The following MCOLN2 variants were observed in gnomAD, a reference collection of about 807,000 sequenced individuals.
MCOLN2 encodes mucolipin TRP cation channel 2.
Under a neutral mutation model 67.5 loss-of-function variants are expected in MCOLN2, and 57 were observed. That is an observed-to-expected ratio of 0.84 (90% CI 0.68 to 1.05). The LOEUF (loss-of-function observed/expected upper bound fraction) is 1.05, where lower values mean the gene tolerates loss of function less well. Ranked by LOEUF, MCOLN2 falls within the 50% of genes least tolerant of loss-of-function variation. The pLI is 0.00. For synonymous variants in MCOLN2, 246 were observed against 233.3 expected, an observed-to-expected ratio of 1.05 and a Z score of -0.50; for missense variants, 620 against 678.8, an observed-to-expected ratio of 0.91 and a Z score of 0.96.
At chr1:84,946,409 T>C (rs1298845868) in intron 7 of MCOLN2, among the ~76,000 whole-genome samples, 4 of 152,242 alleles carry the variant, frequency 2.6e-5, no homozygotes, top group African/African-American at 9.6e-5. Context: ...TGCTTTGCTT[T>C]ATATACTAAT....
chr1:84,960,473 A>C (rs1367240289), intron 2 of MCOLN2, among the ~76,000 whole-genome samples: 1 of 152,240 alleles, frequency 6.6e-6, no homozygotes, highest in Non-Finnish European at 1.5e-5. Flanking sequence ...CTATCGCTTG[A>C]GAAGGTACAC....
At chr1:84,956,979 G>T (rs645435) in intron 3 of MCOLN2, among the ~76,000 whole-genome samples, 53,821 of 151,822 alleles carry the variant, frequency 0.35, 9,928 homozygotes, top group African/African-American at 0.44. Context: ...GTACATACCC[G>T]CTCGGTTTAC....
chr1:84,976,378 G>C (rs1307204712), intron 1 of MCOLN2, among the ~76,000 whole-genome samples: 2 of 152,228 alleles, frequency 1.3e-5, no homozygotes, highest in African/African-American at 4.8e-5. Flanking sequence ...AGAGTGAGGG[G>C]CATGACATAT....
At position 84,943,820 on chromosome 1, in the gene MCOLN2, G is replaced by T. The variant is rs576745396; in HGVS notation, c.848-2829C>A. ...TCAGGTGGAACAGTCTGTGTGAAGT[G>T]CTTGTTACAGTAGTGCCCAGTGCCT... On this transcript the variant is annotated intron_variant, in intron 7 of 13. Coordinates refer to ENST00000370608, the MANE Select transcript of MCOLN2 (RefSeq NM_153259.4). Among the ~76,000 whole-genome samples, 32 of 152,308 alleles carry T rather than the reference G, an allele frequency of 2.1e-4. 1 individual carries two copies. In the South Asian group the frequency reaches 6.4e-3, roughly 31 times the overall value.
chr1:84,987,506 G>GTATATACCTATATACATATATAGGTA (rs1557665657), intron 1 of MCOLN2, among the ~76,000 whole-genome samples: 27 of 30,018 alleles, frequency 9.0e-4, no homozygotes, highest in African/African-American at 3.0e-3. Context: ...ATACATAGAT[G>GTATATACCTATATACATATATAGGTA]TATACATATG....
chr1:84,989,596 G>C (rs1021353840), intron 1 of MCOLN2, among the ~76,000 whole-genome samples: 1 of 152,018 alleles, frequency 6.6e-6, no homozygotes, highest in Admixed American at 6.5e-5. Flanking sequence ...AAAATTGATA[G>C]TAGTATAATA....
At chr1:84,984,310 A>T (rs1650399830) in intron 1 of MCOLN2, among the ~76,000 whole-genome samples, 1 of 152,142 alleles carries the variant, frequency 6.6e-6, no homozygotes, top group Non-Finnish European at 1.5e-5. Context: ...TTTATCACCA[A>T]ACTCTGGCTG....
intron 13 of MCOLN2, among the ~76,000 whole-genome samples, chr1:84,927,101 G>C (rs1025260095): frequency 6.6e-5 from 10 of 151,892 alleles, no homozygotes; most frequent in African/African-American, 2.4e-4. Flanking sequence ...ATGCAGAGCT[G>C]AACCTAGATG....
chr1:84,930,441 A>T (rs1244606006), intron 12 of MCOLN2, among the ~76,000 whole-genome samples: 1 of 151,974 alleles, frequency 6.6e-6, no homozygotes, highest in African/African-American at 2.4e-5. Context: ...TTCCAAGCAG[A>T]CACAAAGACT....
At chr1:84,969,396 C>A (rs1390866143) in intron 1 of MCOLN2, among the ~76,000 whole-genome samples, 1 of 151,994 alleles carries the variant, frequency 6.6e-6, no homozygotes, top group Non-Finnish European at 1.5e-5. Context: ...CACAGTGAAA[C>A]CCCATTTCTA....
chr1:84,948,399 T>C (rs1460789421), intron 6 of MCOLN2, among the ~76,000 whole-genome samples: 1 of 152,044 alleles, frequency 6.6e-6, no homozygotes, highest in Non-Finnish European at 1.5e-5. Context: ...CCAAAGCCAC[T>C]ATAACCAACC....
At chr1:84,951,536 A>G (rs1648464686) in intron 6 of MCOLN2, among the ~76,000 whole-genome samples, 1 of 152,232 alleles carries the variant, frequency 6.6e-6, no homozygotes, top group Non-Finnish European at 1.5e-5. Flanking sequence ...ACATCAGTGG[A>G]GCAGTTTATG....
Position 84,931,563 on chromosome 1 carries a change from T to C in MCOLN2, c.1341A>G (p.Glu447=). The C allele has an allele frequency of 6.2e-7, 1 of 1,613,516 alleles. No individual in the cohort carries two copies. Among genetic ancestry groups the C allele is most frequent in the Non-Finnish European group, 8.5e-7 (1 of 1,179,620 alleles). ...IVLGPYHDKF[E]NLNTVAECLF... is the part of the protein sequence containing the mutation. ...GACACTCAGCAACTGTGTTCAGATT[T>C]TCAAACTGTAGGGGGAAATAAAAAC... Residue 447 remains glutamate (E), a synonymous_variant, in exon 12 of 14, where the codon GAA becomes GAG. Coordinates refer to ENST00000370608, the MANE Select transcript of MCOLN2 (RefSeq NM_153259.4).
In MCOLN2 at chr1:84,947,091, G is replaced by A; in HGVS notation, c.789C>T (p.Ile263=). The part of the protein sequence containing the change: ...DNKAHSGKIK[I]YFDSDAKIEE... Reference sequence around the variant, plus strand: ...CAATTTTGGCATCACTGTCAAAATAGATTTTGATTTTGCCACTGTGAGCTT... The same window carrying A: ...CAATTTTGGCATCACTGTCAAAATAAATTTTGATTTTGCCACTGTGAGCTT... The change falls in exon 7 of 14, where the codon ATC becomes ATT. Residue 263 remains isoleucine (I), a synonymous_variant. Coordinates refer to ENST00000370608, the MANE Select transcript of MCOLN2 (RefSeq NM_153259.4). The A allele has an allele frequency of 6.2e-7, 1 of 1,601,770 alleles. No individual in the cohort carries two copies. The highest frequency in any genetic ancestry group is 8.6e-7 in the Non-Finnish European group (1 of 1,169,536).
At position 84,935,651 on chromosome 1, in the gene MCOLN2, A is replaced by G. The variant is rs558224222; in HGVS notation, c.1335+2104T>C. Reference sequence around the variant, plus strand: ...GGCTTAAAATATATAATTAAAAATAATTTCATCTGTTTTTTTATTTCTTCA... The same window carrying G: ...GGCTTAAAATATATAATTAAAAATAGTTTCATCTGTTTTTTTATTTCTTCA... On this transcript the variant is annotated intron_variant, in intron 11 of 13. Coordinates refer to ENST00000370608, the MANE Select transcript of MCOLN2 (RefSeq NM_153259.4). Among the ~76,000 whole-genome samples the G allele has an allele frequency of 2.0e-4, 31 of 152,316 alleles. No homozygotes were observed. In the South Asian group the frequency reaches 6.0e-3, roughly 30 times the overall value.
At chr1:84,975,234 C>G (rs530486) in intron 1 of MCOLN2, among the ~76,000 whole-genome samples, 74,676 of 151,908 alleles carry the variant, frequency 0.49, 18,586 homozygotes, top group East Asian at 0.64. Context: ...CCTTGGGCAA[C>G]ACCCAGTGCT....
At chr1:84,966,614 T>C (rs1035739902) in intron 1 of MCOLN2, among the ~76,000 whole-genome samples, 3 of 152,228 alleles carry the variant, frequency 2.0e-5, no homozygotes, top group Non-Finnish European at 4.4e-5. Flanking sequence ...TCAGTGATTA[T>C]ATGATTCCAG....
intron 7 of MCOLN2, among the ~76,000 whole-genome samples, chr1:84,942,260 A>T (rs906457460): frequency 9.9e-5 from 15 of 152,222 alleles, no homozygotes; most frequent in African/African-American, 3.6e-4. Context: ...TGCACAACAG[A>T]CACTGACCTT....
intron 1 of MCOLN2, among the ~76,000 whole-genome samples, chr1:84,989,325 T>C (rs1650768742): frequency 1.3e-5 from 2 of 152,272 alleles, no homozygotes; most frequent in East Asian, 3.9e-4. Context: ...GTCTAAAATA[T>C]TAGTATTAAA....
Sources: gnomAD v4.1 joint callset for allele counts (sites outside exome capture counted in the v4.1 genomes callset) on GRCh38, gnomAD v4.1.1 for gene constraint, MANE v1.5 for transcripts, NCBI Gene and HGNC (gene_info 2026-07-23, HGNC 2026-07-21) for gene names.